The following EBF2 variants were observed in gnomAD, a reference collection of about 807,000 sequenced individuals.
The protein encoded by EBF2 is transcription factor COE2.
A neutral mutation model predicts 72.8 loss-of-function variants in EBF2; 21 were observed. That is an observed-to-expected ratio of 0.29 (90% CI 0.20 to 0.42). EBF2 has a LOEUF of 0.42. Ranked by LOEUF, EBF2 falls within the 10% of genes least tolerant of loss-of-function variation. The pLI is 1.00. For missense variants in EBF2, 637 were observed against 731.2 expected (o/e 0.87, Z 1.49); for synonymous variants, 299 against 274.2 (o/e 1.09, Z -0.89).
chr8:25,862,922 GC>G (rs1270119224), intron 10 of EBF2, 125 bp from the exon 11 acceptor site: 3 of 468,960 alleles, frequency 6.4e-6, no homozygotes, highest in African/African-American at 4.0e-5. Context: ...TAGGGTTTTT[GC>G]TATCGACATT....
chr8:25,847,513 G>C (rs999238884), intron 15 of EBF2, among the ~76,000 whole-genome samples: 1 of 152,182 alleles, frequency 6.6e-6, no homozygotes, highest in Admixed American at 6.5e-5. Context: ...AGGTCACTGA[G>C]GGCATCCTTT....
At chr8:25,858,574 G>A (rs1218172994) in intron 13 of EBF2, 70 bp from the exon 14 acceptor site, 16 of 1,494,456 alleles carry the variant, frequency 1.1e-5, no homozygotes, top group Non-Finnish European at 1.4e-5. Flanking sequence ...GGCTAGCACA[G>A]GTCCTCATTG....
chr8:26,027,792 G>T (rs1281445732), intron 6 of EBF2, among the ~76,000 whole-genome samples: 3 of 152,096 alleles, frequency 2.0e-5, no homozygotes, highest in African/African-American at 7.2e-5. Context: ...TAAAAGAAAG[G>T]ATATTCTGAC....
At chr8:26,039,792 A>C (rs1324045163) in intron 5 of EBF2, among the ~76,000 whole-genome samples, 4 of 151,844 alleles carry the variant, frequency 2.6e-5, no homozygotes, top group African/African-American at 9.7e-5. Flanking sequence ...GCCGGAGGAA[A>C]CTCCTGCGAC....
chr8:25,961,722 TG>T (rs1016651483), intron 6 of EBF2, among the ~76,000 whole-genome samples: 44 of 152,308 alleles, frequency 2.9e-4, no homozygotes, highest in African/African-American at 1.0e-3. Context: ...CTCCTCATAA[TG>T]CTGGTTTTCC....
intron 14 of EBF2, among the ~76,000 whole-genome samples, chr8:25,852,235 G>A (rs775345236): frequency 6.6e-6 from 1 of 152,176 alleles, no homozygotes; most frequent in African/African-American, 2.4e-5. Flanking sequence ...ACAGGGTTAA[G>A]CATGAGGAGT....
chr8:25,970,818 C>G (rs1464545637), intron 6 of EBF2, among the ~76,000 whole-genome samples: 1 of 152,100 alleles, frequency 6.6e-6, no homozygotes, highest in Non-Finnish European at 1.5e-5. Context: ...TCTGCAACCT[C>G]CACTTTATTT....
At chr8:25,854,776 T>C (rs1802051319) in intron 14 of EBF2, among the ~76,000 whole-genome samples, 1 of 152,202 alleles carries the variant, frequency 6.6e-6, no homozygotes, top group Non-Finnish European at 1.5e-5. Flanking sequence ...TTTTCTGTAA[T>C]AATAATTTAA....
intron 6 of EBF2, among the ~76,000 whole-genome samples, chr8:25,962,516 T>C (rs1011071509): frequency 5.9e-5 from 9 of 151,610 alleles, no homozygotes; most frequent in Admixed American, 1.3e-4. Flanking sequence ...CCACACACTT[T>C]CTTGGATCCA....
intron 7 of EBF2, among the ~76,000 whole-genome samples, chr8:25,891,829 C>T (rs763759842): frequency 3.5e-4 from 53 of 152,258 alleles, no homozygotes; most frequent in Non-Finnish European, 5.9e-4. Flanking sequence ...CCACCTGCCT[C>T]GGCCGCCCAA....
In EBF2 at chr8:25,882,116, G is replaced by A. The variant is rs143384700; in HGVS notation, c.1009+4639C>T. ...GAGCTGAGTAACACAAGCCGCCTAC[G>A]GAAGGCTAAACTAAAAGAGCACCTG... On this transcript the variant is annotated intron_variant, in intron 10 of 15. Coordinates refer to ENST00000520164, the MANE Select transcript of EBF2 (RefSeq NM_022659.4). Among the ~76,000 whole-genome samples, 483 of 152,182 alleles carry A rather than the reference G, an allele frequency of 3.2e-3. 4 individuals are homozygous for A. The highest frequency in any genetic ancestry group is 0.01 in the African/African-American group (432 of 41,538).
At position 25,964,580 on chromosome 8, in the gene EBF2, G is replaced by A. The variant is rs75818201; in HGVS notation, c.552-56025C>T. ...TCTAGAGACAGTTCCATGTTTAATG[G>A]GAGCGCCACATGTTTGATATGTAGG... On this transcript the variant is annotated intron_variant, in intron 6 of 15. Coordinates refer to ENST00000520164, the MANE Select transcript of EBF2 (RefSeq NM_022659.4). 1.5e-3 allele frequency among the ~76,000 whole-genome samples: 232 copies of A among 152,272 alleles called. 4 individuals are homozygous for A. In the East Asian group the frequency reaches 0.037, roughly 24 times the overall value.
intron 6 of EBF2, among the ~76,000 whole-genome samples, chr8:25,959,913 C>T (rs1804010573): frequency 2.0e-5 from 3 of 152,192 alleles, no homozygotes. Flanking sequence ...TGGTCCCATT[C>T]TATGGATGAG....
At chr8:26,031,928 G>A (rs1216527341) in intron 6 of EBF2, 2 of 152,140 alleles carry the variant, frequency 1.3e-5, no homozygotes, top group Non-Finnish European at 2.9e-5. Context: ...AACCCCAATA[G>A]CTCCCTAAAA....
In EBF2 at chr8:25,843,998, A is replaced by C. The variant is rs1243405742; in HGVS notation, c.*611T>G. The C allele has an allele frequency of 6.6e-6, 1 of 152,336 alleles. No homozygotes were observed. The highest frequency in any genetic ancestry group is 6.5e-5 in the Admixed American group (1 of 15,284). 9.4% of individuals were successfully genotyped at this position (152,336 alleles called of 1,614,324 possible). ...TTAATTTCTACCTCTACTTACAATA[A>C]GTTACACATTTATTTATTTAAATAA... On this transcript the variant is annotated 3_prime_UTR_variant, in exon 16 of 16. Transcript: ENST00000520164.
chr8:25,913,355 C>T (rs554037725), intron 6 of EBF2, among the ~76,000 whole-genome samples: 9 of 151,934 alleles, frequency 5.9e-5, no homozygotes, highest in East Asian at 1.9e-4. Context: ...GCAGGAGAAT[C>T]GCTTGAACCT....
At chr8:25,951,652 G>C (rs1299465386) in intron 6 of EBF2, among the ~76,000 whole-genome samples, 1 of 152,198 alleles carries the variant, frequency 6.6e-6, no homozygotes, top group African/African-American at 2.4e-5. Flanking sequence ...AAAGATGAGA[G>C]AGTTTTTAGT....
intron 7 of EBF2, among the ~76,000 whole-genome samples, chr8:25,904,356 T>C (rs1426155461): frequency 6.6e-6 from 1 of 151,946 alleles, no homozygotes; most frequent in Non-Finnish European, 1.5e-5. Flanking sequence ...TGGTTCAAGC[T>C]TGAAAATAAC....
intron 10 of EBF2, among the ~76,000 whole-genome samples, chr8:25,865,642 G>T (rs970795114): frequency 2.6e-5 from 4 of 151,660 alleles, no homozygotes; most frequent in African/African-American, 9.7e-5. Context: ...GCCCAGGCTG[G>T]TCTCAAACTC....
Sources: gnomAD v4.1 joint callset for allele counts (sites outside exome capture counted in the v4.1 genomes callset) on GRCh38, gnomAD v4.1.1 for gene constraint, MANE v1.5 for transcripts, NCBI Gene and HGNC (gene_info 2026-07-23, HGNC 2026-07-21) for gene names.